Variants in DARS1 observed in about 807,000 individuals in gnomAD.
DARS1 encodes aspartyl-tRNA synthetase 1.
A neutral mutation model predicts 68.8 loss-of-function variants in DARS1; 51 were observed. That is an observed-to-expected ratio of 0.74 (90% CI 0.59 to 0.94). The LOEUF (loss-of-function observed/expected upper bound fraction) is 0.94, where lower values mean the gene tolerates loss of function less well. Ranked by LOEUF, DARS1 falls within the 40% of genes least tolerant of loss-of-function variation. DARS1 has a pLI of 0.00. For missense variants in DARS1, 607 were observed against 597.3 expected, an observed-to-expected ratio of 1.02 and a Z score of -0.17; for synonymous variants, 203 against 190.4, an observed-to-expected ratio of 1.07 and a Z score of -0.55.
intron 4 of DARS1, among the ~76,000 whole-genome samples, chr2:135,957,447 T>C (rs185713186): frequency 6.6e-6 from 1 of 152,242 alleles, no homozygotes; most frequent in East Asian, 1.9e-4. Flanking sequence ...CTTGATCTCC[T>C]GACCTCGTGA....
In DARS1 at chr2:135,943,600, G is replaced by T; in HGVS notation, c.321-120C>A. 3 of 1,432,188 alleles carry T rather than the reference G, an allele frequency of 2.1e-6. No homozygotes were observed. The South Asian group carries it at 4.6e-5, about 22-fold the overall frequency. The allele number at this position is 1,432,188 out of a possible 1,614,324, so 88.7% of individuals were successfully genotyped here. ...TTTTTTAATACAGTAAGCCACTTGA[G>T]ATAAAGCCAGTCTATTTAACCTACT... On this transcript the variant is annotated intron_variant, in intron 4 of 15. Transcript: ENST00000264161.
Position 135,972,706 on chromosome 2 carries a change from A to G in DARS1, c.217+6568T>C, listed in dbSNP as rs555657246. Among the ~76,000 whole-genome samples, 467 of 152,352 alleles carry G rather than the reference A, an allele frequency of 3.1e-3. 1 individual carries two copies. The highest frequency in any genetic ancestry group is 0.011 in the African/African-American group (452 of 41,582). On this transcript the variant is annotated intron_variant, in intron 3 of 15. Coordinates refer to ENST00000264161, the MANE Select transcript of DARS1 (RefSeq NM_001349.4). ...CGAGGAATTACTAACCAGAATACAT[A>G]AGGAGCTCAAGCAACTCTACAGGAA...
intron 4 of DARS1, among the ~76,000 whole-genome samples, chr2:135,954,034 G>A (rs1377948529): frequency 6.6e-6 from 1 of 151,488 alleles, no homozygotes; most frequent in Non-Finnish European, 1.5e-5. Flanking sequence ...TGGGATTACA[G>A]GCATGAGTCA....
chr2:135,940,510 CAAAAT>C (rs1193590509), intron 5 of DARS1, among the ~76,000 whole-genome samples: 1 of 152,118 alleles, frequency 6.6e-6, no homozygotes, highest in East Asian at 1.9e-4. Flanking sequence ...AGACGTATCT[CAAAAT>C]AATAAGAGCT....
chr2:135,948,118 A>C (rs1681767672), intron 4 of DARS1, among the ~76,000 whole-genome samples: 1 of 152,218 alleles, frequency 6.6e-6, no homozygotes, highest in African/African-American at 2.4e-5. Context: ...GCATTATCCA[A>C]ATTTTCAATA....
At chr2:135,925,415 T>C (rs557631687) in intron 7 of DARS1, among the ~76,000 whole-genome samples, 1 of 152,342 alleles carries the variant, frequency 6.6e-6, no homozygotes, top group South Asian at 2.1e-4. Context: ...ATTACGAGAA[T>C]TTCAATTACT....
intron 3 of DARS1, among the ~76,000 whole-genome samples, chr2:135,978,158 A>AAAAAAAAG (rs1253585500): frequency 2.0e-5 from 3 of 150,236 alleles, no homozygotes; most frequent in Non-Finnish European, 4.4e-5. Flanking sequence ...AAAAAAAAAA[A>AAAAAAAAG]AAAAAAAGAA....
chr2:135,917,061 T>C (rs1471591505), intron 10 of DARS1, among the ~76,000 whole-genome samples: 1 of 151,952 alleles, frequency 6.6e-6, no homozygotes, highest in African/African-American at 2.4e-5. Context: ...GTCGGGAGGC[T>C]GAGGCAGGAG....
At chr2:135,934,115 T>C (rs1177914822) in intron 5 of DARS1, 125 bp from the exon 6 acceptor site, 13 of 1,400,940 alleles carry the variant, frequency 9.3e-6, no homozygotes, top group Non-Finnish European at 1.2e-5. Flanking sequence ...TTGAAACTAC[T>C]TGCTGAAATC....
At position 135,979,331 on chromosome 2, in the gene DARS1, G is replaced by T; in HGVS notation, c.160C>A (p.Gln54Lys). The T allele has an allele frequency of 6.7e-7, 1 of 1,500,988 alleles. No homozygotes were observed. The highest frequency in any genetic ancestry group is 2.3e-5 in the East Asian group (1 of 44,312). 93.0% of individuals were successfully genotyped at this position (1,500,988 alleles called of 1,614,324 possible). A position where few individuals can be genotyped will look rare whatever the true frequency, so the allele number is the denominator to read the frequency against. Residue 54 changes from glutamine to lysine, a missense_variant, in exon 3 of 16, where the codon CAA becomes AAA. Physicochemically the swap from Gln to Lys is moderately conservative, Grantham distance 53. Transcript: ENST00000264161. ...VLVRVRDLTI[Q>K]KADEVVWVRA... is the part of the protein sequence containing the mutation. ...ACCCAAACAACTTCATCAGCTTTTT[G>T]TATTGTCAAGTCTCTAACCCGAACC...
chr2:135,949,816 T>C (rs949915026), intron 4 of DARS1, among the ~76,000 whole-genome samples: 9 of 152,326 alleles, frequency 5.9e-5, no homozygotes, highest in Admixed American at 5.2e-4. Flanking sequence ...AGACAGACAA[T>C]TTGAGGCAAA....
At chr2:135,930,602 G>A (rs1681320570) in intron 7 of DARS1, among the ~76,000 whole-genome samples, 1 of 152,182 alleles carries the variant, frequency 6.6e-6, no homozygotes, top group Non-Finnish European at 1.5e-5. Context: ...TAAGAAACCT[G>A]TAATACGAAC....
At position 135,943,360 on chromosome 2, in the gene DARS1, T is replaced by A. The variant is rs1391573925; in HGVS notation, c.423+18A>T. 1 of 1,604,062 alleles carries A rather than the reference T, an allele frequency of 6.2e-7. No homozygotes were observed. Among genetic ancestry groups the A allele is most frequent in the Non-Finnish European group, 8.5e-7 (1 of 1,176,348 alleles). The stretch of plus-strand genomic sequence containing the variant: ...AAATCTATTTCTATATGCGATTTTA[T>A]ATTTTGAAAAAACTTACCTTCTGAA... On this transcript the variant is annotated intron_variant, in intron 5 of 15. Coordinates refer to ENST00000264161, the MANE Select transcript of DARS1 (RefSeq NM_001349.4).
chr2:135,920,508 C>G lies in DARS1; in HGVS notation c.904G>C (p.Val302Leu). Residue 302 changes from valine (V) to leucine (L), a missense_variant, in exon 10 of 16, where the codon GTT (valine) becomes CTT (leucine). Val to Leu is a conservative substitution (Grantham distance 32). Transcript: ENST00000264161. Reference sequence around the variant, plus strand: ...ATGGTGTCAGCAATTTCTTCCATAACTTCGTGGTAATGGTAATTAAAAGCC... The same window carrying G: ...ATGGTGTCAGCAATTTCTTCCATAAGTTCGTGGTAATGGTAATTAAAAGCC... ...EMAFNYHYHE[V>L]MEEIADTMVQ... 1 of 1,613,646 alleles carries G rather than the reference C, an allele frequency of 6.2e-7. No homozygotes were observed. The highest frequency in any genetic ancestry group is 8.5e-7 in the Non-Finnish European group (1 of 1,179,834).
At chr2:135,922,515 T>C (rs1360324528) in intron 9 of DARS1, among the ~76,000 whole-genome samples, 1 of 152,208 alleles carries the variant, frequency 6.6e-6, no homozygotes, top group Non-Finnish European at 1.5e-5. Context: ...CATTCCTCTG[T>C]AAGAATACAT....
rs1680890060 is a variant in DARS1 at position 135,911,308 on chromosome 2, G to A, written c.1342+74C>T. The A allele has an allele frequency of 7.1e-6, 6 of 845,190 alleles. No individual in the cohort carries two copies. In the East Asian group the frequency reaches 1.2e-4, roughly 17 times the overall value. 52.4% of individuals were successfully genotyped at this position (845,190 alleles called of 1,614,324 possible). Reference sequence around the variant, plus strand: ...TTCAATGGAGATTTTTAAAAAGACTGAGAAGTCTTTTAAATGTTTACAATG... The same window carrying A: ...TTCAATGGAGATTTTTAAAAAGACTAAGAAGTCTTTTAAATGTTTACAATG... On this transcript the variant is annotated intron_variant, in intron 14 of 15. Transcript: ENST00000264161.
chr2:135,919,194 C>A (rs1213139484), intron 10 of DARS1, among the ~76,000 whole-genome samples: 1 of 152,100 alleles, frequency 6.6e-6, no homozygotes, highest in African/African-American at 2.4e-5. Context: ...CCATGCCCAG[C>A]TAATTTTTGT....
Position 135,936,550 on chromosome 2 carries a change from C to T in DARS1, c.424-2560G>A, listed in dbSNP as rs563084879. On this transcript the variant is annotated intron_variant, in intron 5 of 15. Transcript: ENST00000264161. Reference sequence around the variant, plus strand: ...CACTGGGATTGCAGGTGTGAGCCACCACATCTGGCCAAATTTTCTTTATTC... The same window carrying T: ...CACTGGGATTGCAGGTGTGAGCCACTACATCTGGCCAAATTTTCTTTATTC... 5.3e-5 allele frequency among the ~76,000 whole-genome samples: 8 copies of T among 152,252 alleles called. No homozygotes were observed. In the South Asian group the frequency reaches 1.0e-3, roughly 20 times the overall value.
intron 4 of DARS1, 29 bp downstream of exon 4, chr2:135,961,367 C>A: frequency 1.0e-6 from 1 of 980,072 alleles, no homozygotes; most frequent in South Asian, 1.3e-5. Flanking sequence ...ATTGTTTATT[C>A]TGACAACAGG....
Sources: gnomAD v4.1 joint callset for allele counts (sites outside exome capture counted in the v4.1 genomes callset) on GRCh38, gnomAD v4.1.1 for gene constraint, MANE v1.5 for transcripts, NCBI Gene and HGNC (gene_info 2026-07-23, HGNC 2026-07-21) for gene names.